FOXP1: variants seen among roughly 807,000 people sequenced by gnomAD.
FOXP1 encodes the protein forkhead box P1, also known as forkhead box protein P1.
FOXP1 carries 15 observed loss-of-function variants against 98.2 expected under a neutral mutation model. The ratio of observed to expected loss-of-function variants is 0.15; its 90% CI spans 0.10 to 0.24. FOXP1 has a LOEUF of 0.24. Ranked by LOEUF, FOXP1 falls within the 10% of genes least tolerant of loss-of-function variation. FOXP1 has a pLI of 1.00. For missense variants in FOXP1, 633 were observed against 848.5 expected (o/e 0.75, Z 3.15); for synonymous variants, 371 against 314.5 (o/e 1.18, Z -1.90).
At chr3:71,064,684 G>A in intron 7 of FOXP1, 1 of 515,954 alleles carries the variant, frequency 1.9e-6, no homozygotes, top group Non-Finnish European at 2.5e-6. Flanking sequence ...AAACAGCGAG[G>A]ATGAGGATGA....
intron 3 of FOXP1, among the ~76,000 whole-genome samples, chr3:71,452,475 G>A (rs962233190): frequency 3.9e-5 from 6 of 152,160 alleles, no homozygotes; most frequent in African/African-American, 1.4e-4. Flanking sequence ...GGGACAATTT[G>A]GAACTGGCAA....
At chr3:71,305,933 G>A (rs767012013) in intron 4 of FOXP1, 1 of 149,530 alleles carries the variant, frequency 6.7e-6, no homozygotes, top group Non-Finnish European at 1.5e-5. Context: ...TTCACACAAC[G>A]GAAGAAAGTT....
chr3:70,964,217 AAT>A (rs2034241714), intron 20 of FOXP1, among the ~76,000 whole-genome samples: 1 of 152,264 alleles, frequency 6.6e-6, no homozygotes, highest in African/African-American at 2.4e-5. Context: ...TCTTGTAAAA[AAT>A]AGTTGAAACC....
intron 3 of FOXP1, among the ~76,000 whole-genome samples, chr3:71,410,453 G>A (rs13081081): frequency 6.6e-6 from 1 of 152,138 alleles, no homozygotes; most frequent in Non-Finnish European, 1.5e-5. Flanking sequence ...TATGCTTCCA[G>A]TTGTGGCTTA....
chr3:71,083,456 C>A (rs2054677597), intron 7 of FOXP1, among the ~76,000 whole-genome samples: 1 of 152,192 alleles, frequency 6.6e-6, no homozygotes, highest in South Asian at 2.1e-4. Flanking sequence ...GACACAAGAA[C>A]AGCCTAACAC....
chr3:71,268,017 CAAA>C (rs377710886), intron 5 of FOXP1, among the ~76,000 whole-genome samples: 12 of 95,004 alleles, frequency 1.3e-4, no homozygotes, highest in Non-Finnish European at 1.2e-4. Flanking sequence ...GACTCCGTCT[CAAA>C]AAAAAAAAAA....
chr3:70,998,700 A>G (rs2041721384), intron 13 of FOXP1, among the ~76,000 whole-genome samples: 1 of 152,210 alleles, frequency 6.6e-6, no homozygotes. Flanking sequence ...GAAATCTAGA[A>G]ATAAATGAAA....
chr3:71,155,304 C>G (rs948441480), intron 6 of FOXP1, among the ~76,000 whole-genome samples: 2 of 152,138 alleles, frequency 1.3e-5, no homozygotes, highest in Admixed American at 1.3e-4. Flanking sequence ...ATAGTGCTGT[C>G]CAAGAGCAAT....
intron 6 of FOXP1, among the ~76,000 whole-genome samples, chr3:71,148,453 C>T (rs1340349284): frequency 1.3e-5 from 2 of 152,144 alleles, no homozygotes; most frequent in African/African-American, 2.4e-5. Flanking sequence ...TTCAATCTCA[C>T]TCTTAAAGAA....
intron 3 of FOXP1, among the ~76,000 whole-genome samples, chr3:71,375,903 T>C (rs1265220478): frequency 6.6e-6 from 1 of 152,138 alleles, no homozygotes; most frequent in African/African-American, 2.4e-5. Flanking sequence ...TTTTCAAAAA[T>C]TGTATGGCTT....
At chr3:70,977,786 G>A in intron 15 of FOXP1, 42 bp downstream of exon 15, 1 of 1,610,262 alleles carries the variant, frequency 6.2e-7, no homozygotes, top group Non-Finnish European at 8.5e-7. Context: ...TACAAGAATT[G>A]CAGATTACAA....
chr3:71,382,787 C>A (rs1395276516), intron 3 of FOXP1, among the ~76,000 whole-genome samples: 1 of 152,214 alleles, frequency 6.6e-6, no homozygotes, highest in Admixed American at 6.5e-5. Flanking sequence ...TGAGTACAAT[C>A]AAACTCATCC....
chr3:71,308,795 GTGTGT>G (rs1259640905), intron 4 of FOXP1, among the ~76,000 whole-genome samples: 26 of 150,146 alleles, frequency 1.7e-4, no homozygotes, highest in South Asian at 6.4e-4. Context: ...GTGTGTGTGT[GTGTGT>G]GTGTGTGGGT....
chr3:71,499,456 A>C (rs1007746678), intron 2 of FOXP1, among the ~76,000 whole-genome samples: 1 of 152,378 alleles, frequency 6.6e-6, no homozygotes, highest in South Asian at 2.1e-4. Flanking sequence ...ACAAGTATAC[A>C]TATGTGCATA....
intron 3 of FOXP1, among the ~76,000 whole-genome samples, chr3:71,447,921 G>C (rs991801885): frequency 2.0e-5 from 3 of 152,172 alleles, no homozygotes; most frequent in African/African-American, 7.2e-5. Context: ...GACAAGTGTA[G>C]ACACGTTCAG....
chr3:71,220,393 A>G (rs1369014575), intron 5 of FOXP1, among the ~76,000 whole-genome samples: 2 of 152,220 alleles, frequency 1.3e-5, no homozygotes, highest in Non-Finnish European at 2.9e-5. Context: ...AGCAGAAATG[A>G]AAACAAAAGC....
chr3:71,129,939 G>A (rs1335296192), intron 6 of FOXP1, among the ~76,000 whole-genome samples: 1 of 152,158 alleles, frequency 6.6e-6, no homozygotes, highest in East Asian at 1.9e-4. Context: ...AGCCCACTCC[G>A]TTGAAACAAT....
At chr3:71,175,718 C>T (rs543001113) in intron 6 of FOXP1, among the ~76,000 whole-genome samples, 9 of 152,272 alleles carry the variant, frequency 5.9e-5, no homozygotes, top group African/African-American at 2.2e-4. Flanking sequence ...AAACCGGAAA[C>T]AAATATATGC....
intron 11 of FOXP1, among the ~76,000 whole-genome samples, chr3:71,019,251 G>A (rs888300578): frequency 3.9e-5 from 6 of 152,106 alleles, no homozygotes; most frequent in African/African-American, 1.4e-4. Flanking sequence ...GGATGATTTG[G>A]GCATCTGATG....
Sources: gnomAD v4.1 joint callset for allele counts (sites outside exome capture counted in the v4.1 genomes callset) on GRCh38, gnomAD v4.1.1 for gene constraint, MANE v1.5 for transcripts, NCBI Gene and HGNC (gene_info 2026-07-23, HGNC 2026-07-21) for gene names.